Variants in SHISA9 observed in about 807,000 individuals in gnomAD.
SHISA9 encodes shisa family member 9.
SHISA9 carries 13 observed loss-of-function variants against 38.0 expected under a neutral mutation model. The ratio of observed to expected loss-of-function variants is 0.34; its 90% CI spans 0.22 to 0.54. The LOEUF is 0.54. Ranked by LOEUF, SHISA9 falls within the 20% of genes least tolerant of loss-of-function variation. SHISA9 has a pLI of 0.91. For missense variants in SHISA9, 538 were observed against 575.8 expected, an observed-to-expected ratio of 0.93 and a Z score of 0.67; for synonymous variants, 275 against 242.0, an observed-to-expected ratio of 1.14 and a Z score of -1.27.
intron 2 of SHISA9, among the ~76,000 whole-genome samples, chr16:12,951,775 C>T (rs2071760808): frequency 6.6e-6 from 1 of 152,176 alleles, no homozygotes; most frequent in African/African-American, 2.4e-5. Flanking sequence ...CCTCTAGATA[C>T]TTTGTCTTTA....
At chr16:13,287,682 G>A in the SHISA9 span, among the ~76,000 whole-genome samples, 11 of 152,266 alleles carry the variant, frequency 7.2e-5, no homozygotes, top group South Asian at 4.2e-4. Flanking sequence ...CAGAGGAATA[G>A]CATCATCAGG....
chr16:13,037,109 GACACACACACACACAC>G (rs1207707042), intron 2 of SHISA9, among the ~76,000 whole-genome samples: 18 of 105,286 alleles, frequency 1.7e-4, no homozygotes, highest in East Asian at 3.0e-4. Context: ...CACACACACA[GACACACACACACACAC>G]ACACACACAC....
At chr16:13,140,400 C>T (rs752075796) in intron 2 of SHISA9, among the ~76,000 whole-genome samples, 6 of 152,032 alleles carry the variant, frequency 3.9e-5, no homozygotes, top group Non-Finnish European at 7.4e-5. Flanking sequence ...TGGTCTCAAA[C>T]TCCTGACCTC....
At chr16:13,335,788 C>A in the SHISA9 span, among the ~76,000 whole-genome samples, 1 of 152,280 alleles carries the variant, frequency 6.6e-6, no homozygotes, top group African/African-American at 2.4e-5. Context: ...GTAGGAATCA[C>A]AGAGTGAAGG....
chr16:13,427,743 A>T, the SHISA9 span, among the ~76,000 whole-genome samples: 1 of 152,174 alleles, frequency 6.6e-6, no homozygotes, highest in South Asian at 2.1e-4. Flanking sequence ...TGGACTGGCA[A>T]CAGACAACAG....
At chr16:13,113,355 C>A (rs2073999017) in intron 2 of SHISA9, among the ~76,000 whole-genome samples, 1 of 152,034 alleles carries the variant, frequency 6.6e-6, no homozygotes, top group South Asian at 2.1e-4. Flanking sequence ...TCTGCTGTCT[C>A]TTTGGTAAGA....
At chr16:13,416,761 A>AGGAAGGAAGGGAAGGAAGGAAGGAAG in the SHISA9 span, among the ~76,000 whole-genome samples, 1 of 130,772 alleles carries the variant, frequency 7.6e-6, no homozygotes, top group African/African-American at 3.0e-5. Context: ...GAAGGAAGGA[A>AGGAAGGAAGGGAAGGAAGGAAGGAAG]GGAAGGAAGG....
intron 2 of SHISA9, among the ~76,000 whole-genome samples, chr16:13,045,076 A>G (rs1371039113): frequency 6.6e-6 from 1 of 152,200 alleles, no homozygotes; most frequent in African/African-American, 2.4e-5. Context: ...GGGGACGATA[A>G]CAGCATTTAC....
At chr16:13,486,474 G>C in the SHISA9 span, among the ~76,000 whole-genome samples, 1 of 152,174 alleles carries the variant, frequency 6.6e-6, no homozygotes, top group East Asian at 1.9e-4. Context: ...GTGGCAGACT[G>C]ACATCTATCA....
At chr16:12,926,154 A>G (rs1302293896) in intron 2 of SHISA9, among the ~76,000 whole-genome samples, 3 of 152,250 alleles carry the variant, frequency 2.0e-5, no homozygotes, top group African/African-American at 7.2e-5. Flanking sequence ...ATATTTGCTG[A>G]GTAATTCAAA....
At chr16:13,290,147 A>G in the SHISA9 span, among the ~76,000 whole-genome samples, 5 of 152,136 alleles carry the variant, frequency 3.3e-5, no homozygotes, top group Non-Finnish European at 5.9e-5. Flanking sequence ...AAAAATTTAG[A>G]GCCCATTTGT....
intron 2 of SHISA9, among the ~76,000 whole-genome samples, chr16:13,056,099 C>G (rs766252788): frequency 5.3e-5 from 8 of 152,148 alleles, no homozygotes; most frequent in Non-Finnish European, 8.8e-5. Context: ...AGTTCAGGGC[C>G]TGACACATAG....
At chr16:13,004,752 C>G (rs1255225703) in intron 2 of SHISA9, among the ~76,000 whole-genome samples, 1 of 151,392 alleles carries the variant, frequency 6.6e-6, no homozygotes, top group Non-Finnish European at 1.5e-5. Flanking sequence ...TGGTGAAACC[C>G]CATCTCTACT....
chr16:13,234,912 T>C, intron 4 of SHISA9, 118 bp from the exon 5 acceptor site: 7 of 1,228,574 alleles, frequency 5.7e-6, no homozygotes, highest in Non-Finnish European at 7.7e-6. Context: ...GTTTGGACTG[T>C]TGGCCCATTT....
chr16:12,943,201 CACTGT>C (rs2071634668), intron 2 of SHISA9, among the ~76,000 whole-genome samples: 1 of 151,542 alleles, frequency 6.6e-6, no homozygotes, highest in Non-Finnish European at 1.5e-5. Context: ...TTCAGGTATC[CACTGT>C]TGGAGTGGGT....
the SHISA9 span, among the ~76,000 whole-genome samples, chr16:13,514,930 C>T: frequency 2.5e-4 from 38 of 152,014 alleles, no homozygotes; most frequent in African/African-American, 8.7e-4. Flanking sequence ...AAAACAAGAA[C>T]GACAAAGACA....
At chr16:13,269,158 G>C in the SHISA9 span, among the ~76,000 whole-genome samples, 1 of 152,208 alleles carries the variant, frequency 6.6e-6, no homozygotes, top group Non-Finnish European at 1.5e-5. Flanking sequence ...CTTTGAGAGA[G>C]AATAAGCTTG....
At chr16:13,375,543 G>A in the SHISA9 span, among the ~76,000 whole-genome samples, 28 of 152,028 alleles carry the variant, frequency 1.8e-4, no homozygotes, top group Non-Finnish European at 3.5e-4. Context: ...CTCTGTTTTG[G>A]TACCAGTACC....
Position 13,074,551 on chromosome 16 carries a change from AC to A in SHISA9, c.692-128840del, listed in dbSNP as rs574233638. ...TTTTGTCTCTCTGCAGTCTGGCCAT[AC>A]CCAGCCAAATGAGATATATTCTTCA... On this transcript the variant is annotated intron_variant, in intron 2 of 4. Transcript: ENST00000558583. Among the ~76,000 whole-genome samples, 685 of 152,212 alleles carry A rather than the reference AC, an allele frequency of 4.5e-3. 4 individuals carry two copies. The highest frequency in any genetic ancestry group is 0.016 in the African/African-American group (652 of 41,540).
Sources: gnomAD v4.1 joint callset for allele counts (sites outside exome capture counted in the v4.1 genomes callset) on GRCh38, gnomAD v4.1.1 for gene constraint, MANE v1.5 for transcripts, NCBI Gene and HGNC (gene_info 2026-07-23, HGNC 2026-07-21) for gene names.